The following LAMA1 variants were observed in gnomAD, a reference collection of about 807,000 sequenced individuals.
The protein encoded by LAMA1 is laminin subunit alpha 1, also known as laminin subunit alpha-1.
In LAMA1, 219 loss-of-function variants were observed where a neutral mutation model predicts 348.7. The ratio of observed to expected loss-of-function variants is 0.63; its 90% CI spans 0.56 to 0.70. The LOEUF is 0.70. Ranked by LOEUF, LAMA1 falls within the 30% of genes least tolerant of loss-of-function variation. The pLI is 0.00. For synonymous variants in LAMA1, 1,487 were observed against 1,491.0 expected (o/e 1.00, Z 0.06); for missense variants, 3,744 against 3,888.0 (o/e 0.96, Z 0.99).
intron 1 of LAMA1, among the ~76,000 whole-genome samples, chr18:7,098,954 C>A (rs528286398): frequency 2.0e-5 from 3 of 151,694 alleles, no homozygotes; most frequent in South Asian, 2.1e-4. Context: ...GCCACCACCC[C>A]GTCTGGGAGG....
At chr18:7,065,650 G>A (rs2058119884) in intron 3 of LAMA1, among the ~76,000 whole-genome samples, 5 of 151,974 alleles carry the variant, frequency 3.3e-5, no homozygotes, top group African/African-American at 2.4e-5. Flanking sequence ...TGGCTGGAAC[G>A]GAGGAGGCAG....
intron 1 of LAMA1, among the ~76,000 whole-genome samples, chr18:7,089,088 A>C (rs1466421): frequency 0.8 from 122,055 of 151,980 alleles, 49,231 homozygotes; most frequent in South Asian, 0.85. Context: ...AGGTAAAGAA[A>C]CCTGCTAGGG....
rs945665906 is a variant in LAMA1, at chr18:7,015,584, T to C, written c.3126+138A>G. Reference sequence around the variant, plus strand: ...TGTGAGCCACTGTGCCTGGCCCACATTGAGTTTTTTTTTTTTTTTTAAATT... The same window carrying C: ...TGTGAGCCACTGTGCCTGGCCCACACTGAGTTTTTTTTTTTTTTTTAAATT... On this transcript the variant is annotated intron_variant, in intron 22 of 62. Coordinates refer to ENST00000389658, the MANE Select transcript of LAMA1 (RefSeq NM_005559.4). 22 of 1,028,622 alleles carry C rather than the reference T, an allele frequency of 2.1e-5. No homozygotes were observed. In the East Asian group the frequency reaches 2.8e-4, roughly 13 times the overall value. The allele number at this position is 1,028,622 out of a possible 1,614,324, so 63.7% of individuals were successfully genotyped here.
At chr18:7,049,310 T>TATTC (rs2058054001) in intron 4 of LAMA1, 53 bp from the exon 5 acceptor site, 3 of 1,534,664 alleles carry the variant, frequency 2.0e-6, no homozygotes, top group African/African-American at 1.4e-5. Flanking sequence ...TTTATTTATT[T>TATTC]ATTTTTTGAG....
In LAMA1 at chr18:6,986,139, T is replaced by G. The variant is rs1403795502; in HGVS notation, c.5377A>C (p.Ser1793Arg). The change falls in exon 37 of 63, where the codon AGT becomes CGT. Residue 1793 changes from serine (S) to arginine (R), a missense_variant and splice_region_variant. By Grantham distance (110) the Ser-to-Arg change is moderately radical. Around this residue, in one of 3 missense-constraint regions of LAMA1, gnomAD observed 1,983 missense variants for 1,934.3 expected, o/e 1.03. Coordinates refer to ENST00000389658, the MANE Select transcript of LAMA1 (RefSeq NM_005559.4). Reference sequence around the variant, plus strand: ...AGGAGAGAGCAAGTGAGACTCACACTGAATTCTCTCAGATTAGCATTGACC... The same window carrying G: ...AGGAGAGAGCAAGTGAGACTCACACGGAATTCTCTCAGATTAGCATTGACC... ...LMVNANLREF[S>R]DKKLHVQEEQ... 9.3e-6 allele frequency: 15 copies of G among 1,614,072 alleles called. No homozygotes were observed. Among genetic ancestry groups the G allele is most frequent in the Non-Finnish European group, 1.1e-5 (13 of 1,180,020 alleles).
intron 41 of LAMA1, among the ~76,000 whole-genome samples, chr18:6,981,429 G>T (rs546021177): frequency 3.0e-4 from 45 of 152,174 alleles, no homozygotes; most frequent in African/African-American, 1.0e-3. Context: ...CACCCAACTG[G>T]AACTCAACTC....
chr18:7,047,033 G>A (rs933421321), intron 5 of LAMA1, among the ~76,000 whole-genome samples: 2 of 148,942 alleles, frequency 1.3e-5, no homozygotes, highest in African/African-American at 5.0e-5. Context: ...CTTACTATGT[G>A]TGCCTTGATT....
chr18:6,982,972 G>A, intron 40 of LAMA1, 127 bp downstream of exon 40: 1 of 1,240,114 alleles, frequency 8.1e-7, no homozygotes, highest in Non-Finnish European at 1.2e-6. Flanking sequence ...GATGACAGAA[G>A]CCAGAAACAG....
rs530042538 is a variant in LAMA1 at position 7,054,014 on chromosome 18, G to T, written c.346-3078C>A. On this transcript the variant is annotated intron_variant, in intron 3 of 62. Transcript: ENST00000389658. Reference sequence around the variant, plus strand: ...TCAAACTCCTGGGCTCAAGTGGTCTGCCCACCTTGACCTCCCAAAGTGCTT... The same window carrying T: ...TCAAACTCCTGGGCTCAAGTGGTCTTCCCACCTTGACCTCCCAAAGTGCTT... Among the ~76,000 whole-genome samples, 126 of 152,094 alleles carry T rather than the reference G, an allele frequency of 8.3e-4. 1 individual carries two copies. Among genetic ancestry groups the T allele is most frequent in the Non-Finnish European group, 8.2e-4 (56 of 67,958 alleles).
chr18:6,999,363 C>T (rs1038060653), intron 32 of LAMA1, 82 bp downstream of exon 32: 8 of 1,374,622 alleles, frequency 5.8e-6, no homozygotes, highest in Non-Finnish European at 8.3e-6. Flanking sequence ...TCTGCAGACA[C>T]TTTAGCGTGC....
chr18:7,052,997 G>A (rs1413872076), intron 3 of LAMA1, among the ~76,000 whole-genome samples: 1 of 152,194 alleles, frequency 6.6e-6, no homozygotes, highest in Admixed American at 6.5e-5. Flanking sequence ...TCCAGCCTGG[G>A]CAACAGAGCA....
intron 10 of LAMA1, 50 bp downstream of exon 10, chr18:7,040,026 C>G: frequency 3.7e-6 from 6 of 1,605,852 alleles, no homozygotes; most frequent in Non-Finnish European, 4.3e-6. Context: ...CACTCCTTTT[C>G]CAGAGAAGCT....
At chr18:6,979,917 G>A (rs1446899399) in intron 42 of LAMA1, among the ~76,000 whole-genome samples, 1 of 152,124 alleles carries the variant, frequency 6.6e-6, no homozygotes, top group East Asian at 1.9e-4. Context: ...TGTGCTGCTA[G>A]CCGGGTTCAG....
At chr18:6,974,354 G>T in intron 46 of LAMA1, among the ~76,000 whole-genome samples, 1 of 151,808 alleles carries the variant, frequency 6.6e-6, no homozygotes, top group South Asian at 2.1e-4. Context: ...TGTGTGAATG[G>T]ATAAAGAAAA....
intron 51 of LAMA1, among the ~76,000 whole-genome samples, 199 bp from the exon 52 acceptor site, chr18:6,962,258 C>CA (rs2057611787): frequency 6.6e-6 from 1 of 151,898 alleles, no homozygotes; most frequent in African/African-American, 2.4e-5. Context: ...CCTGTCTCTA[C>CA]AAAAAATAAA....
rs915173107 is a variant in LAMA1 at position 7,007,401 on chromosome 18, T to G, written c.4123-125A>C. On this transcript the variant is annotated intron_variant, in intron 28 of 62. Coordinates refer to ENST00000389658, the MANE Select transcript of LAMA1 (RefSeq NM_005559.4). The stretch of plus-strand genomic sequence containing the variant: ...GGTATGTGAAAAGAAGTTCGACATC[T>G]CTATCAGAGAAATGCAAATGAAAAA... 1.9e-5 allele frequency: 17 copies of G among 877,800 alleles called. No homozygotes were observed. In the Admixed American group the frequency reaches 4.5e-4, roughly 23 times the overall value. 54.4% of individuals were successfully genotyped at this position (877,800 alleles called of 1,614,324 possible).
rs370327597 is a variant in LAMA1, at chr18:6,961,774, G to A, written c.7453-15C>T. On this transcript the variant is annotated splice_polypyrimidine_tract_variant and intron_variant, in intron 52 of 62. Coordinates refer to ENST00000389658, the MANE Select transcript of LAMA1 (RefSeq NM_005559.4). ...CTCCGGATGGGCTGGACACAGAGGA[G>A]ATGGAACAGCATGGTGAGTTCCTAG... The A allele has an allele frequency of 6.2e-7, 1 of 1,613,962 alleles. No individual in the cohort carries two copies. The highest frequency in any genetic ancestry group is 1.3e-5 in the African/African-American group (1 of 74,926).
intron 1 of LAMA1, among the ~76,000 whole-genome samples, chr18:7,094,068 C>A (rs117023737): frequency 6.6e-6 from 1 of 152,096 alleles, no homozygotes; most frequent in Non-Finnish European, 1.5e-5. Context: ...TGAGCCACTA[C>A]GCCCAGCCAA....
chr18:7,034,635 T>G lies in LAMA1; in HGVS notation c.1895A>C (p.Glu632Ala). The G allele has an allele frequency of 6.2e-7, 1 of 1,614,208 alleles. No homozygotes were observed. The highest frequency in any genetic ancestry group is 8.5e-7 in the Non-Finnish European group (1 of 1,180,036). ...QAEGLSLQPYEEYLNVVRLVP... is the reference protein window; with the variant it reads ...QAEGLSLQPYAEYLNVVRLVP... Reference sequence around the variant, plus strand: ...AAGTCTAACCACGTTTAGGTACTCTTCATAAGGCTGCAATGACAGACCCTC... The same window carrying G: ...AAGTCTAACCACGTTTAGGTACTCTGCATAAGGCTGCAATGACAGACCCTC... The change falls in exon 14 of 63, where the codon GAA (glutamate) becomes GCA (alanine). Residue 632 changes from glutamate to alanine, a missense_variant. Coordinates refer to ENST00000389658, the MANE Select transcript of LAMA1 (RefSeq NM_005559.4).
Sources: gnomAD v4.1 joint callset for allele counts (sites outside exome capture counted in the v4.1 genomes callset) on GRCh38, gnomAD v4.1.1 for gene constraint, gnomAD v4.1.1 regional missense constraint, MANE v1.5 for transcripts, NCBI Gene and HGNC (gene_info 2026-07-23, HGNC 2026-07-21) for gene names.